The following VPS13D variants were observed in gnomAD, a reference collection of about 807,000 sequenced individuals.
The protein encoded by VPS13D is vacuolar protein sorting 13 homolog D.
A neutral mutation model predicts 461.9 loss-of-function variants in VPS13D; 187 were observed. The observed-to-expected ratio is 0.40, with a 90% CI of 0.36 to 0.46. VPS13D has a LOEUF of 0.46. Ranked by LOEUF, VPS13D falls within the 20% of genes least tolerant of loss-of-function variation. The pLI is 0.60. For synonymous variants in VPS13D, 1,951 were observed against 1,986.3 expected (o/e 0.98, Z 0.47); for missense variants, 4,711 against 5,364.9 (o/e 0.88, Z 3.81).
intron 23 of VPS13D, 28 bp downstream of exon 23, chr1:12,291,152 G>A (rs760344439): frequency 6.2e-7 from 1 of 1,602,592 alleles, no homozygotes; most frequent in South Asian, 1.1e-5. Context: ...TTTCTGACTT[G>A]ATATTTTATC....
intron 5 of VPS13D, among the ~76,000 whole-genome samples, chr1:12,246,597 G>A (rs879879157): frequency 1.4e-4 from 21 of 152,166 alleles, no homozygotes; most frequent in Non-Finnish European, 2.6e-4. Context: ...TGTCACAGTT[G>A]AATTGCTCTG....
chr1:12,334,881 G>A (rs936448075), intron 38 of VPS13D, among the ~76,000 whole-genome samples: 1 of 152,150 alleles, frequency 6.6e-6, no homozygotes, highest in African/African-American at 2.4e-5. Flanking sequence ...ACCCAGAAAC[G>A]TAGCTATGAC....
chr1:12,439,144 T>A (rs1645098625), intron 65 of VPS13D, among the ~76,000 whole-genome samples: 1 of 152,102 alleles, frequency 6.6e-6, no homozygotes, highest in African/African-American at 2.4e-5. Context: ...AGGCTTCCCG[T>A]TTCACTCCAC....
intron 24 of VPS13D, among the ~76,000 whole-genome samples, chr1:12,296,851 T>A (rs1642293652): frequency 6.6e-6 from 1 of 152,196 alleles, no homozygotes; most frequent in Admixed American, 6.5e-5. Flanking sequence ...TGGTGGTGAA[T>A]CATTTGGGTT....
At chr1:12,373,705 C>T (rs768411487) in intron 54 of VPS13D, 45 bp from the exon 55 acceptor site, 19 of 1,149,796 alleles carry the variant, frequency 1.7e-5, no homozygotes, top group Non-Finnish European at 2.1e-5. Flanking sequence ...GTGTGTATAC[C>T]TGTATATATA....
intron 3 of VPS13D, 135 bp downstream of exon 3, chr1:12,242,725 C>T: frequency 1.3e-6 from 1 of 754,364 alleles, no homozygotes; most frequent in Non-Finnish European, 2.2e-6. Flanking sequence ...TTAGGCCAGT[C>T]TTAAAGTGTG....
intron 15 of VPS13D, among the ~76,000 whole-genome samples, chr1:12,268,210 A>T (rs1641330511): frequency 6.7e-6 from 1 of 149,036 alleles, no homozygotes; most frequent in African/African-American, 2.5e-5. Context: ...TTGGCCTCCC[A>T]AAGTGCTGGG....
At chr1:12,321,704 T>C (rs1210904959) in intron 32 of VPS13D, 105 bp from the exon 33 acceptor site, 5 of 1,266,002 alleles carry the variant, frequency 3.9e-6, no homozygotes, top group East Asian at 2.5e-5. Flanking sequence ...ATGGGTCTTA[T>C]GATAACACAT....
rs374381353 is a variant in VPS13D at position 12,346,718 on chromosome 1, A to T, written c.9069+66A>T. 3 of 1,419,154 alleles carry T rather than the reference A, an allele frequency of 2.1e-6. No individual in the cohort carries two copies. The East Asian group carries it at 7.2e-5, about 34-fold the overall frequency. The allele number at this position is 1,419,154 out of a possible 1,614,324, so 87.9% of individuals were successfully genotyped here. A position where few individuals can be genotyped will look rare whatever the true frequency, so the allele number is the denominator to read the frequency against. ...TATACACTGCACCTGAATCATGTGGATATACATTTCTTAATGATCAGAGAA... is the reference window on the plus strand; with the variant it reads ...TATACACTGCACCTGAATCATGTGGTTATACATTTCTTAATGATCAGAGAA... On this transcript the variant is annotated intron_variant, in intron 44 of 69. Transcript: ENST00000620676.
At chr1:12,265,085 C>G (rs1424563876) in intron 13 of VPS13D, among the ~76,000 whole-genome samples, 1 of 152,072 alleles carries the variant, frequency 6.6e-6, no homozygotes, top group African/African-American at 2.4e-5. Flanking sequence ...GCATGGTTTA[C>G]AGAAGATTTT....
At chr1:12,255,848 A>G (rs1306756654) in intron 7 of VPS13D, among the ~76,000 whole-genome samples, 1 of 150,446 alleles carries the variant, frequency 6.6e-6, no homozygotes, top group Non-Finnish European at 1.5e-5. Context: ...CCGAGATTGC[A>G]TCACTGCACT....
At position 12,279,434 on chromosome 1, in the gene VPS13D, T is replaced by A. The variant is rs374859332; in HGVS notation, c.4451-65T>A. On this transcript the variant is annotated intron_variant, in intron 19 of 69. Transcript: ENST00000620676. The surrounding 1 kb of genome is among the most constrained non-coding windows in gnomAD (Gnocchi z 4.3). The stretch of plus-strand genomic sequence containing the variant: ...GGGCTGTATTTTGTATATTCTACGT[T>A]TAATCAGCAGTAATGAAGTAAATAT... 9.4e-6 allele frequency: 14 copies of A among 1,484,148 alleles called. No homozygotes were observed. The highest frequency in any genetic ancestry group is 1.3e-5 in the Non-Finnish European group (14 of 1,102,464). 91.9% of individuals were successfully genotyped at this position (1,484,148 alleles called of 1,614,324 possible).
intron 20 of VPS13D, 109 bp from the exon 21 acceptor site, chr1:12,282,596 A>G: frequency 9.5e-7 from 1 of 1,052,868 alleles, no homozygotes; most frequent in Non-Finnish European, 1.4e-6. Flanking sequence ...GCTATCAGGT[A>G]ACTTACAGCC....
Position 12,507,165 on chromosome 1 carries a change from G to A in VPS13D, c.13035+72G>A, listed in dbSNP as rs140945177. ...CTCGATGCCTCTGCCCTGCTTCCCCGTCCTCAGCAGGAGCTCATTTAGGAG... is the reference window on the plus strand; with the variant it reads ...CTCGATGCCTCTGCCCTGCTTCCCCATCCTCAGCAGGAGCTCATTTAGGAG... On this transcript the variant is annotated intron_variant, in intron 69 of 69. Transcript: ENST00000620676. The surrounding 1 kb of genome is among the most constrained non-coding windows in gnomAD (Gnocchi z 5.3). 4,513 of 1,608,706 alleles carry A rather than the reference G, an allele frequency of 2.8e-3. 16 individuals are homozygous for A. The highest frequency in any genetic ancestry group is 3.3e-3 in the Non-Finnish European group (3,877 of 1,177,166).
intron 60 of VPS13D, among the ~76,000 whole-genome samples, chr1:12,396,812 A>G (rs1407003766): frequency 6.6e-6 from 1 of 152,208 alleles, no homozygotes; most frequent in East Asian, 1.9e-4. Context: ...GAAAGTTAAT[A>G]TCTTGCAGCT....
intron 65 of VPS13D, among the ~76,000 whole-genome samples, chr1:12,445,125 G>T (rs1217176091): frequency 1.3e-5 from 2 of 152,182 alleles, no homozygotes; most frequent in Non-Finnish European, 2.9e-5. Flanking sequence ...GTGTGTGTGA[G>T]GTAGAAAGTA....
At chr1:12,426,789 G>A (rs1027227473) in intron 65 of VPS13D, among the ~76,000 whole-genome samples, 1 of 152,138 alleles carries the variant, frequency 6.6e-6, no homozygotes, top group Non-Finnish European at 1.5e-5. Context: ...GGCTGAGGCG[G>A]GTGGATCGCC....
chr1:12,443,798 G>A (rs886465153), intron 65 of VPS13D, among the ~76,000 whole-genome samples: 8 of 151,208 alleles, frequency 5.3e-5, no homozygotes, highest in Non-Finnish European at 1.2e-4. Context: ...TTCTGCTAAA[G>A]AACTTCCTTT....
intron 65 of VPS13D, among the ~76,000 whole-genome samples, chr1:12,440,765 A>G (rs1400625221): frequency 6.6e-6 from 1 of 151,134 alleles, no homozygotes; most frequent in East Asian, 1.9e-4. Flanking sequence ...AATCCTGGCT[A>G]CTCGGGAGGC....
Sources: gnomAD v4.1 joint callset for allele counts (sites outside exome capture counted in the v4.1 genomes callset) on GRCh38, gnomAD v4.1.1 for gene constraint, Gnocchi (gnomAD v3.1) non-coding constraint, MANE v1.5 for transcripts, NCBI Gene and HGNC (gene_info 2026-07-23, HGNC 2026-07-21) for gene names.